EGLN3: variants seen among roughly 807,000 people sequenced by gnomAD.
EGLN3 encodes the protein egl-9 family hypoxia inducible factor 3, also known as prolyl hydroxylase EGLN3.
In EGLN3, 15 loss-of-function variants were observed where a neutral mutation model predicts 26.0. That is an observed-to-expected ratio of 0.58 (90% CI 0.39 to 0.89). The LOEUF is 0.89. EGLN3 is among the 40% of genes least tolerant of loss of function. The pLI, the probability that EGLN3 is intolerant of heterozygous loss-of-function variation, is 0.00. For missense variants in EGLN3, 238 were observed against 311.6 expected (o/e 0.76, Z 1.78); for synonymous variants, 147 against 127.2 (o/e 1.16, Z -1.05).
At position 33,950,756 on chromosome 14, in the gene EGLN3, G is replaced by C. The variant is rs2064554822; in HGVS notation, c.-4C>G. 1 of 1,596,966 alleles carries C rather than the reference G, an allele frequency of 6.3e-7. No homozygotes were observed. The highest frequency in any genetic ancestry group is 1.3e-5 in the African/African-American group (1 of 74,672). On this transcript the variant is annotated 5_prime_UTR_variant, in exon 1 of 5. Transcript: ENST00000250457. Reference sequence around the variant, plus strand: ...TCATGATGTGTCCCAGGGGCATCTCGCCCGCAGAATCGAGGTCCGGGATCC... The same window carrying C: ...TCATGATGTGTCCCAGGGGCATCTCCCCCGCAGAATCGAGGTCCGGGATCC...
chr14:33,950,582 C>A lies in EGLN3; in HGVS notation c.171G>T (p.Arg57=). 6.2e-7 allele frequency: 1 copy of A among 1,612,316 alleles called. No individual in the cohort carries two copies. The highest frequency in any genetic ancestry group is 8.5e-7 in the Non-Finnish European group (1 of 1,179,154). Residue 57 remains arginine (R), a synonymous_variant, in exon 1 of 5, where the codon CGG becomes CGT. Transcript: ENST00000250457. ...VKQLHCTGAL[R]DGQLAGPRAG... ...CGCGCGGCCCCGCCAGCTGGCCGTCCCGCAGGGCCCCGGTGCAGTGCAGCT... is the reference window on the plus strand; with the variant it reads ...CGCGCGGCCCCGCCAGCTGGCCGTCACGCAGGGCCCCGGTGCAGTGCAGCT...
chr14:33,932,964 G>A (rs957657377), intron 1 of EGLN3, among the ~76,000 whole-genome samples: 6 of 152,096 alleles, frequency 3.9e-5, no homozygotes, highest in Admixed American at 2.6e-4. Context: ...AATGAAAGTC[G>A]CTTAAGCCAC....
chr14:33,927,960 T>A (rs577371099), intron 3 of EGLN3, among the ~76,000 whole-genome samples: 1 of 152,282 alleles, frequency 6.6e-6, no homozygotes, highest in East Asian at 1.9e-4. Flanking sequence ...GGTTTTTTTT[T>A]AAAGTTTCAT....
intron 3 of EGLN3, among the ~76,000 whole-genome samples, chr14:33,927,456 G>T (rs1302076392): frequency 1.3e-5 from 2 of 152,096 alleles, no homozygotes; most frequent in Admixed American, 6.6e-5. Flanking sequence ...ACCATGCCCG[G>T]CCTGTCTACG....
chr14:33,929,738 T>A (rs1185910270), intron 2 of EGLN3, among the ~76,000 whole-genome samples: 1 of 152,082 alleles, frequency 6.6e-6, no homozygotes, highest in Non-Finnish European at 1.5e-5. Context: ...CCCCCCACAG[T>A]CATAAAGCCC....
chr14:33,944,026 A>G (rs997550885), intron 1 of EGLN3, among the ~76,000 whole-genome samples: 1 of 151,290 alleles, frequency 6.6e-6, no homozygotes, highest in Non-Finnish European at 1.5e-5. Context: ...TAAAATTCCC[A>G]AATAAAATGG....
At chr14:33,942,887 T>C (rs192154464) in intron 1 of EGLN3, among the ~76,000 whole-genome samples, 1 of 152,228 alleles carries the variant, frequency 6.6e-6, no homozygotes, top group African/African-American at 2.4e-5. Flanking sequence ...AATAAGGAGG[T>C]ATTGACACTG....
chr14:33,935,522 G>A (rs1278206622), intron 1 of EGLN3, among the ~76,000 whole-genome samples: 2 of 151,356 alleles, frequency 1.3e-5, no homozygotes, highest in African/African-American at 2.4e-5. Context: ...CAGGCAATCA[G>A]ATCTTTATGT....
chr14:33,950,334 G>C, intron 1 of EGLN3, 62 bp downstream of exon 1: 1 of 1,491,542 alleles, frequency 6.7e-7, no homozygotes, highest in Non-Finnish European at 9.3e-7. Context: ...GACATACAAC[G>C]GACTCCGAGT....
chr14:33,929,643 C>T (rs184839648), intron 2 of EGLN3, among the ~76,000 whole-genome samples: 9 of 152,312 alleles, frequency 5.9e-5, no homozygotes, highest in South Asian at 2.1e-4. Context: ...TGAGCCACCA[C>T]GCCCAGCCAC....
At chr14:33,943,162 C>A (rs766684134) in intron 1 of EGLN3, among the ~76,000 whole-genome samples, 12 of 152,194 alleles carry the variant, frequency 7.9e-5, no homozygotes, top group Non-Finnish European at 1.6e-4. Flanking sequence ...GGTACAAATT[C>A]TATGTATAAT....
chr14:33,943,032 G>C (rs1283687667), intron 1 of EGLN3, among the ~76,000 whole-genome samples: 8 of 152,148 alleles, frequency 5.3e-5, no homozygotes, highest in Non-Finnish European at 1.5e-5. Context: ...GGAAAACGTA[G>C]TCACTACAGA....
Position 33,950,832 on chromosome 14 carries a change from G to A in EGLN3, c.-80C>T. ...ATCTACACGAGCGCGAAGCCGAGGC[G>A]CGGGGAGCGTGGCCCGGGGTTCAGA... On this transcript the variant is annotated 5_prime_UTR_variant, in exon 1 of 5. Transcript: ENST00000250457. 7.5e-7 allele frequency: 1 copy of A among 1,334,406 alleles called. No homozygotes were observed. Among genetic ancestry groups the A allele is most frequent in the Non-Finnish European group, 1.0e-6 (1 of 965,174 alleles). The allele number at this position is 1,334,406 out of a possible 1,614,324, so 82.7% of individuals were successfully genotyped here. A position where few individuals can be genotyped will look rare whatever the true frequency, so the allele number is the denominator to read the frequency against.
At chr14:33,936,060 G>A (rs1286456862) in intron 1 of EGLN3, among the ~76,000 whole-genome samples, 8 of 152,070 alleles carry the variant, frequency 5.3e-5, no homozygotes, top group African/African-American at 1.9e-4. Flanking sequence ...GTGAAACCCT[G>A]TCTCTACTAA....
intron 1 of EGLN3, among the ~76,000 whole-genome samples, chr14:33,939,364 C>T (rs1366941134): frequency 6.6e-6 from 1 of 152,114 alleles, no homozygotes; most frequent in Non-Finnish European, 1.5e-5. Context: ...GCGCCCGCCA[C>T]CACGCCCGGC....
chr14:33,927,968 C>G (rs1332805866), intron 3 of EGLN3, among the ~76,000 whole-genome samples: 1 of 151,904 alleles, frequency 6.6e-6, no homozygotes, highest in Non-Finnish European at 1.5e-5. Context: ...TTTAAAGTTT[C>G]ATTTTGTAAT....
At chr14:33,927,389 G>A (rs536585962) in intron 3 of EGLN3, among the ~76,000 whole-genome samples, 2 of 151,978 alleles carry the variant, frequency 1.3e-5, no homozygotes, top group Non-Finnish European at 2.9e-5. Flanking sequence ...GGATGGTCTC[G>A]ATCTCTTGAC....
intron 1 of EGLN3, among the ~76,000 whole-genome samples, chr14:33,938,605 G>C (rs1313254075): frequency 6.6e-6 from 1 of 152,226 alleles, no homozygotes; most frequent in Non-Finnish European, 1.5e-5. Flanking sequence ...CCAGTCACCA[G>C]AGAAATGTTT....
intron 1 of EGLN3, among the ~76,000 whole-genome samples, chr14:33,946,097 G>A (rs893215872): frequency 4.6e-5 from 7 of 152,124 alleles, no homozygotes; most frequent in Non-Finnish European, 8.8e-5. Flanking sequence ...AGTAGAAGCC[G>A]GGCGCGGTGG....
Sources: gnomAD v4.1 joint callset for allele counts (sites outside exome capture counted in the v4.1 genomes callset) on GRCh38, gnomAD v4.1.1 for gene constraint, MANE v1.5 for transcripts, NCBI Gene and HGNC (gene_info 2026-07-23, HGNC 2026-07-21) for gene names.